PHRF1: variants seen among roughly 807,000 people sequenced by gnomAD.
PHRF1 encodes the protein PHD and ring finger domains 1.
A neutral mutation model predicts 128.9 loss-of-function variants in PHRF1; 53 were observed. That is an observed-to-expected ratio of 0.41 (90% CI 0.33 to 0.52). PHRF1 has a LOEUF of 0.52. Among genes scored for constraint, PHRF1 ranks in the 20% least tolerant of loss-of-function variants. PHRF1 has a pLI of 0.21. For synonymous variants in PHRF1, 1,178 were observed against 980.6 expected, an observed-to-expected ratio of 1.20 and a Z score of -3.76; for missense variants, 2,503 against 2,284.5, an observed-to-expected ratio of 1.10 and a Z score of -1.95.
At chr11:578,758 CA>C (rs1227769192) in intron 1 of PHRF1, among the ~76,000 whole-genome samples, 1 of 152,286 alleles carries the variant, frequency 6.6e-6, no homozygotes, top group Middle Eastern at 3.4e-3. Flanking sequence ...CCATGTTGCC[CA>C]GGCTGGTCTC....
chr11:606,781 C>T, intron 13 of PHRF1, 185 bp downstream of exon 13: 1 of 957,692 alleles, frequency 1.0e-6, no homozygotes, highest in South Asian at 1.8e-5. Flanking sequence ...GAGTTCTTAC[C>T]CAGCCCCACA....
At chr11:596,605 T>C (rs560404070) in intron 6 of PHRF1, among the ~76,000 whole-genome samples, 2 of 152,314 alleles carry the variant, frequency 1.3e-5, no homozygotes, top group Non-Finnish European at 2.9e-5. Flanking sequence ...AAACTAGACA[T>C]CTGAGATACC....
intron 4 of PHRF1, among the ~76,000 whole-genome samples, chr11:588,553 A>AT (rs1738619541): frequency 6.6e-6 from 1 of 151,604 alleles, no homozygotes; most frequent in Non-Finnish European, 1.5e-5. Context: ...GCAATTTTGT[A>AT]TTTTTAGTAG....
At chr11:592,327 C>T (rs1463494048) in intron 5 of PHRF1, among the ~76,000 whole-genome samples, 1 of 152,118 alleles carries the variant, frequency 6.6e-6, no homozygotes, top group Non-Finnish European at 1.5e-5. Context: ...CCGCTCCTTT[C>T]CGTGCATCAT....
At chr11:602,743 T>G (rs901065609) in intron 10 of PHRF1, among the ~76,000 whole-genome samples, 2 of 150,906 alleles carry the variant, frequency 1.3e-5, no homozygotes, top group Non-Finnish European at 2.9e-5. Flanking sequence ...TTGCTGAATC[T>G]TTTTTGGTTT....
chr11:585,964 C>T (rs979598663), intron 3 of PHRF1, among the ~76,000 whole-genome samples: 4 of 152,090 alleles, frequency 2.6e-5, no homozygotes, highest in Admixed American at 1.3e-4. Context: ...CAGGTTCAAG[C>T]GATTCTCCTG....
rs377434141 is a variant in PHRF1 at position 610,530 on chromosome 11, G to C, written c.4446G>C (p.Pro1482=). ...QVYSPGLPPA[P]AQPSSIPPCA... ...ACAGCCCCGGCCTGCCGCCTGCCCC[G>C]GCCCAGCCCTCAAGCATCCCACCCT... The change falls in exon 16 of 18, where the codon CCG becomes CCC. Residue 1482 remains proline (P), a synonymous_variant. Coordinates refer to ENST00000264555, the MANE Select transcript of PHRF1 (RefSeq NM_001286581.2). 8.1e-6 allele frequency: 13 copies of C among 1,604,888 alleles called. No homozygotes were observed. The Admixed American group carries it at 2.0e-4, about 25-fold the overall frequency.
chr11:610,912 C>T (rs1470249152), intron 16 of PHRF1, 42 bp from the exon 17 acceptor site: 3 of 1,604,934 alleles, frequency 1.9e-6, no homozygotes, highest in African/African-American at 1.3e-5. Context: ...AGAGGGACTC[C>T]CGGCTCCCTT....
rs564941253 is a variant in PHRF1, at chr11:609,701, C to A, written c.4245C>A (p.Pro1415=). Reference sequence around the variant, plus strand: ...TGCAGGAGTCGGAGAGCAGCGCCCCCGCCGAGGACAGAGCCCCCCGTGAGT... The same window carrying A: ...TGCAGGAGTCGGAGAGCAGCGCCCCAGCCGAGGACAGAGCCCCCCGTGAGT... ...WNLQESESSA[P]AEDRAPRAPL... Residue 1415 remains proline (P), a synonymous_variant, in exon 14 of 18, where the codon CCC becomes CCA. Coordinates refer to ENST00000264555, the MANE Select transcript of PHRF1 (RefSeq NM_001286581.2). The A allele has an allele frequency of 2.7e-6, 4 of 1,503,760 alleles. No homozygotes were observed. Among genetic ancestry groups the A allele is most frequent in the Non-Finnish European group, 3.5e-6 (4 of 1,130,472 alleles). The allele number at this position is 1,503,760 out of a possible 1,614,324, so 93.2% of individuals were successfully genotyped here. A position where few individuals can be genotyped will look rare whatever the true frequency, so the allele number is the denominator to read the frequency against.
In PHRF1 at chr11:608,392, C is replaced by T; in HGVS notation, c.2936C>T (p.Ala979Val). 1 of 1,611,638 alleles carries T rather than the reference C, an allele frequency of 6.2e-7. No individual in the cohort carries two copies. Among genetic ancestry groups the T allele is most frequent in the Non-Finnish European group, 8.5e-7 (1 of 1,179,550 alleles). ...EAPPSPDVLQ[A>V]ATHRVVELRP... is the part of the protein sequence containing the mutation. ...CCACCCAGCCCGGACGTGCTGCAGG[C>T]TGCCACCCACAGAGTCGTGGAGCTC... Residue 979 changes from alanine to valine, a missense_variant, in exon 14 of 18, where the codon GCT becomes GTT. Transcript: ENST00000264555.
chr11:598,625 C>T, intron 9 of PHRF1, 123 bp downstream of exon 9: 3 of 1,396,166 alleles, frequency 2.1e-6, no homozygotes, highest in Non-Finnish European at 2.8e-6. Flanking sequence ...TTAATCTTCT[C>T]TGCTGAAAAC....
At chr11:601,800 C>T (rs966579672) in intron 10 of PHRF1, 99 bp downstream of exon 10, 81 of 1,474,126 alleles carry the variant, frequency 5.5e-5, no homozygotes, top group Non-Finnish European at 7.1e-5. Context: ...TTGGCACCCT[C>T]GCGCGGTTAT....
intron 3 of PHRF1, among the ~76,000 whole-genome samples, chr11:584,494 A>G (rs1251729849): frequency 6.6e-6 from 1 of 152,120 alleles, no homozygotes. Flanking sequence ...GGGGAGGGGC[A>G]GGCTCCATGG....
chr11:592,716 C>T (rs781638070), intron 6 of PHRF1, 42 bp downstream of exon 6: 7 of 1,595,284 alleles, frequency 4.4e-6, no homozygotes, highest in Admixed American at 1.7e-5. Flanking sequence ...CTGCTGCGTG[C>T]AAGGCGGGCC....
chr11:585,132 T>A (rs1854454257), intron 3 of PHRF1, among the ~76,000 whole-genome samples: 1 of 152,230 alleles, frequency 6.6e-6, no homozygotes, highest in African/African-American at 2.4e-5. Flanking sequence ...AACACCCACG[T>A]TGCTGGGGCT....
intron 6 of PHRF1, among the ~76,000 whole-genome samples, chr11:594,714 G>A (rs1855181510): frequency 6.6e-6 from 1 of 152,138 alleles, no homozygotes; most frequent in African/African-American, 2.4e-5. Context: ...CGCCCACCTC[G>A]GCCTCCCAAA....
At chr11:584,044 G>C (rs555813791) in intron 3 of PHRF1, among the ~76,000 whole-genome samples, 4 of 152,348 alleles carry the variant, frequency 2.6e-5, no homozygotes, top group African/African-American at 9.6e-5. Context: ...TTCCAGAAAG[G>C]TAACACTCCT....
chr11:598,278 G>A, intron 8 of PHRF1, 95 bp from the exon 9 acceptor site: 1 of 1,439,848 alleles, frequency 6.9e-7, no homozygotes, highest in Non-Finnish European at 9.1e-7. Flanking sequence ...TTCTCTGGCT[G>A]CCATTGTGGG....
intron 3 of PHRF1, among the ~76,000 whole-genome samples, chr11:582,311 C>T (rs1000522084): frequency 1.4e-5 from 2 of 146,806 alleles, no homozygotes; most frequent in African/African-American, 5.1e-5. Context: ...GTTGCCCAGG[C>T]TGGAGTACAG....
Sources: allele counts gnomAD v4.1 joint callset (sites outside exome capture counted in the v4.1 genomes callset), GRCh38; gene constraint gnomAD v4.1.1; transcripts MANE v1.5; gene names NCBI Gene and HGNC (gene_info 2026-07-23, HGNC 2026-07-21).